Variants in SLC1A3 observed in about 807,000 individuals in gnomAD.
The protein encoded by SLC1A3 is solute carrier family 1 member 3.
SLC1A3 carries 21 observed loss-of-function variants against 48.1 expected under a neutral mutation model. That is an observed-to-expected ratio of 0.44 (90% CI 0.31 to 0.63). The LOEUF (loss-of-function observed/expected upper bound fraction) is 0.63, where lower values mean the gene tolerates loss of function less well. Ranked by LOEUF, SLC1A3 falls within the 20% of genes least tolerant of loss-of-function variation. The pLI, the probability that SLC1A3 is intolerant of heterozygous loss-of-function variation, is 0.08. For missense variants in SLC1A3, 546 were observed against 689.0 expected (o/e 0.79, Z 2.32); for synonymous variants, 239 against 251.4 (o/e 0.95, Z 0.47).
chr5:36,681,196 G>A (rs1259769938), intron 8 of SLC1A3, among the ~76,000 whole-genome samples: 1 of 152,158 alleles, frequency 6.6e-6, no homozygotes, highest in Admixed American at 6.5e-5. Context: ...CTTTTCCTAT[G>A]CATAGACATG....
At chr5:36,636,464 T>TTTCA (rs1740364922) in intron 3 of SLC1A3, 2 of 4,574 alleles carry the variant, frequency 4.4e-4, no homozygotes, top group African/African-American at 1.2e-3. Flanking sequence ...CTTTCTTTCT[T>TTTCA]TTCTTTCTTT....
intron 3 of SLC1A3, among the ~76,000 whole-genome samples, chr5:36,641,492 C>G (rs1307538908): frequency 6.6e-6 from 1 of 151,942 alleles, no homozygotes; most frequent in African/African-American, 2.4e-5. Context: ...TACAAATGTT[C>G]TACAATTGTA....
In SLC1A3 at chr5:36,671,108, T is replaced by C; in HGVS notation, c.399T>C (p.Ile133=). The stretch of plus-strand genomic sequence containing the variant: ...TCTATTATATGACTACCACCATCAT[T>C]GCTGTGGTGATTGGCATAATCATTG... ...AVVYYMTTTI[I]AVVIGIIIVI... The change falls in exon 4 of 10, where the codon ATT becomes ATC. Residue 133 remains isoleucine, a synonymous_variant. Transcript: ENST00000265113. 1 of 1,612,340 alleles carries C rather than the reference T, an allele frequency of 6.2e-7. No individual in the cohort carries two copies. Among genetic ancestry groups the C allele is most frequent in the South Asian group, 1.1e-5 (1 of 91,048 alleles).
intron 3 of SLC1A3, among the ~76,000 whole-genome samples, chr5:36,650,175 T>G (rs1204187149): frequency 6.6e-6 from 1 of 152,214 alleles, no homozygotes; most frequent in East Asian, 1.9e-4. Flanking sequence ...GTTTCTACCT[T>G]GACCTCTAAC....
intron 5 of SLC1A3, among the ~76,000 whole-genome samples, chr5:36,675,808 A>T (rs1287838431): frequency 6.6e-6 from 1 of 152,136 alleles, no homozygotes; most frequent in Non-Finnish European, 1.5e-5. Context: ...TTTGTTTGGG[A>T]GTAGTTGTTT....
chr5:36,629,389 G>A, intron 2 of SLC1A3, 61 bp from the exon 3 acceptor site: 1 of 1,454,890 alleles, frequency 6.9e-7, no homozygotes, highest in Non-Finnish European at 9.4e-7. Flanking sequence ...TGCTAGGGCT[G>A]TTCCTTCTGT....
chr5:36,627,643 G>C (rs1487896878), intron 2 of SLC1A3, among the ~76,000 whole-genome samples: 1 of 152,216 alleles, frequency 6.6e-6, no homozygotes, highest in East Asian at 1.9e-4. Context: ...CTGATATCAG[G>C]AGACCTAAAA....
At chr5:36,628,676 TATC>T (rs1438884893) in intron 2 of SLC1A3, among the ~76,000 whole-genome samples, 5 of 152,358 alleles carry the variant, frequency 3.3e-5, no homozygotes, top group African/African-American at 2.4e-5. Context: ...TTTCAGTAGT[TATC>T]ATGCATAATT....
At chr5:36,598,041 C>A (rs1738764849) in intron 1 of SLC1A3, among the ~76,000 whole-genome samples, 1 of 152,194 alleles carries the variant, frequency 6.6e-6, no homozygotes, top group Admixed American at 6.5e-5. Context: ...CCCTCCAGTG[C>A]CTTCAAACAT....
intron 3 of SLC1A3, among the ~76,000 whole-genome samples, chr5:36,664,725 C>G (rs1042581928): frequency 6.6e-6 from 1 of 152,194 alleles, no homozygotes; most frequent in African/African-American, 2.4e-5. Context: ...CCACAGGCCT[C>G]TCTTTCATTC....
chr5:36,632,623 C>G (rs1003009163), intron 3 of SLC1A3, among the ~76,000 whole-genome samples: 1 of 152,188 alleles, frequency 6.6e-6, no homozygotes, highest in South Asian at 2.1e-4. Flanking sequence ...TGGGGAAATA[C>G]TTTATAGACT....
chr5:36,684,016 G>GA lies in SLC1A3; in HGVS notation c.1424+18_1424+19insA. On this transcript the variant is annotated intron_variant, in intron 9 of 9. Coordinates refer to ENST00000265113, the MANE Select transcript of SLC1A3 (RefSeq NM_004172.5). Reference sequence around the variant, plus strand: ...TGGTTCCTGTGAGTATGCTTGGCCTGCATTCCAGCTCACTGTCACAGGGTC... The same window carrying GA: ...TGGTTCCTGTGAGTATGCTTGGCCTGACATTCCAGCTCACTGTCACAGGGTC... 5 of 1,614,096 alleles carry GA rather than the reference G, an allele frequency of 3.1e-6. No individual in the cohort carries two copies. The highest frequency in any genetic ancestry group is 8.5e-7 in the Non-Finnish European group (1 of 1,179,958).
chr5:36,662,511 C>T (rs1352262482), intron 3 of SLC1A3, among the ~76,000 whole-genome samples: 1 of 152,192 alleles, frequency 6.6e-6, no homozygotes, highest in Non-Finnish European at 1.5e-5. Context: ...CCGCTCGCCT[C>T]TCCCTCTTGC....
At chr5:36,662,615 T>G (rs1430709968) in intron 3 of SLC1A3, among the ~76,000 whole-genome samples, 1 of 152,194 alleles carries the variant, frequency 6.6e-6, no homozygotes, top group Non-Finnish European at 1.5e-5. Flanking sequence ...GAGCGAAGGA[T>G]GGGCTCATGT....
At chr5:36,665,042 C>T (rs968590903) in intron 3 of SLC1A3, among the ~76,000 whole-genome samples, 6 of 150,874 alleles carry the variant, frequency 4.0e-5, no homozygotes, top group African/African-American at 9.7e-5. Flanking sequence ...GCTGGGTTTG[C>T]ATTGACACTC....
chr5:36,612,874 T>C (rs565946821), intron 2 of SLC1A3: 1 of 455,680 alleles, frequency 2.2e-6, no homozygotes, highest in Non-Finnish European at 4.4e-6. Flanking sequence ...CATTCTGGCT[T>C]TACTCCAGCA....
chr5:36,634,819 T>A (rs917852642), intron 3 of SLC1A3, among the ~76,000 whole-genome samples: 1 of 152,210 alleles, frequency 6.6e-6, no homozygotes, highest in African/African-American at 2.4e-5. Context: ...GGCAGTGAGC[T>A]AGAATCACCA....
chr5:36,638,992 C>T lies in SLC1A3; in HGVS notation c.319+9405C>T, dbSNP rs574793656. Among the ~76,000 whole-genome samples, 21 of 152,290 alleles carry T rather than the reference C, an allele frequency of 1.4e-4. No individual in the cohort carries two copies. The East Asian group carries it at 1.7e-3, about 13-fold the overall frequency. ...GTTATTTTTAATCACAAAAGCAATGCATTCTCTATTAGAAATGACACATAC... is the reference window on the plus strand; with the variant it reads ...GTTATTTTTAATCACAAAAGCAATGTATTCTCTATTAGAAATGACACATAC... On this transcript the variant is annotated intron_variant, in intron 3 of 9. Transcript: ENST00000265113.
intron 3 of SLC1A3, among the ~76,000 whole-genome samples, chr5:36,637,325 T>C (rs1335859009): frequency 6.6e-6 from 1 of 152,170 alleles, no homozygotes; most frequent in Non-Finnish European, 1.5e-5. Flanking sequence ...TGTGGAAAGA[T>C]TTTTGTGGCA....
Sources: gnomAD v4.1 joint callset for allele counts (sites outside exome capture counted in the v4.1 genomes callset) on GRCh38, gnomAD v4.1.1 for gene constraint, MANE v1.5 for transcripts, NCBI Gene and HGNC (gene_info 2026-07-23, HGNC 2026-07-21) for gene names.